NKAIN3: variants seen among roughly 807,000 people sequenced by gnomAD.
NKAIN3 encodes the protein sodium/potassium-transporting ATPase subunit beta-1-interacting protein 3.
A neutral mutation model predicts 30.2 loss-of-function variants in NKAIN3; 25 were observed. The ratio of observed to expected loss-of-function variants is 0.83; its 90% CI spans 0.60 to 1.16. The LOEUF (loss-of-function observed/expected upper bound fraction) is 1.16, where lower values mean the gene tolerates loss of function less well. Among genes scored for constraint, NKAIN3 ranks in the 50% most tolerant of loss-of-function variants. The pLI, the probability that NKAIN3 is intolerant of heterozygous loss-of-function variation, is 0.00. For synonymous variants in NKAIN3, 91 were observed against 89.6 expected (o/e 1.02, Z -0.09); for missense variants, 225 against 254.1 (o/e 0.89, Z 0.78).
At chr8:62,403,781 C>A (rs1485203665) in intron 1 of NKAIN3, among the ~76,000 whole-genome samples, 1 of 152,244 alleles carries the variant, frequency 6.6e-6, no homozygotes, top group Admixed American at 6.5e-5. Flanking sequence ...AGCCCCCACA[C>A]AAAGTCCTCA....
chr8:62,469,531 C>T (rs568367258), intron 1 of NKAIN3, among the ~76,000 whole-genome samples: 2 of 152,130 alleles, frequency 1.3e-5, no homozygotes, highest in African/African-American at 4.8e-5. Context: ...ACAGAGAAGA[C>T]CTGCCTTGTC....
At chr8:62,825,805 T>C (rs1465386167) in intron 4 of NKAIN3, among the ~76,000 whole-genome samples, 4 of 152,186 alleles carry the variant, frequency 2.6e-5, no homozygotes, top group African/African-American at 7.2e-5. Context: ...TTGGCTGCTC[T>C]GTGGTGCTGC....
intron 1 of NKAIN3, among the ~76,000 whole-genome samples, chr8:62,499,608 A>G (rs924604019): frequency 6.6e-6 from 1 of 152,184 alleles, no homozygotes; most frequent in Admixed American, 6.5e-5. Flanking sequence ...AGGAAACAGC[A>G]TCATATCTCC....
intron 1 of NKAIN3, among the ~76,000 whole-genome samples, chr8:62,414,897 C>A (rs1235945025): frequency 6.6e-6 from 1 of 151,398 alleles, no homozygotes; most frequent in African/African-American, 2.4e-5. Context: ...TTACCCAGCA[C>A]ACTTTCAAGT....
At chr8:62,815,204 G>C (rs757686644) in intron 4 of NKAIN3, among the ~76,000 whole-genome samples, 4 of 151,938 alleles carry the variant, frequency 2.6e-5, no homozygotes, top group Non-Finnish European at 2.9e-5. Flanking sequence ...CCAATAACAG[G>C]CTCTGAAATT....
At chr8:62,958,295 A>T (rs1823478301) in intron 6 of NKAIN3, among the ~76,000 whole-genome samples, 1 of 152,058 alleles carries the variant, frequency 6.6e-6, no homozygotes, top group Non-Finnish European at 1.5e-5. Context: ...AGCTATCGAG[A>T]TGCTTTCAGT....
intron 1 of NKAIN3, among the ~76,000 whole-genome samples, chr8:62,436,013 A>T (rs1346580000): frequency 6.6e-6 from 1 of 152,154 alleles, no homozygotes; most frequent in Non-Finnish European, 1.5e-5. Flanking sequence ...CAATGTTTTC[A>T]TATTCTGACT....
At chr8:62,363,230 G>C (rs896088163) in intron 1 of NKAIN3, among the ~76,000 whole-genome samples, 2 of 152,234 alleles carry the variant, frequency 1.3e-5, no homozygotes, top group East Asian at 1.9e-4. Flanking sequence ...GTTACCCTTC[G>C]TTTGCCTTTG....
chr8:62,760,526 A>T (rs2130615229), intron 4 of NKAIN3, among the ~76,000 whole-genome samples: 1 of 152,092 alleles, frequency 6.6e-6, no homozygotes, highest in Non-Finnish European at 1.5e-5. Context: ...TATCGCAAGG[A>T]CAAAAAACCA....
At chr8:62,750,454 C>T (rs1816239687) in intron 4 of NKAIN3, among the ~76,000 whole-genome samples, 1 of 152,146 alleles carries the variant, frequency 6.6e-6, no homozygotes, top group Non-Finnish European at 1.5e-5. Context: ...ATTAACTGGA[C>T]TCAGAAAGGC....
intron 1 of NKAIN3, among the ~76,000 whole-genome samples, chr8:62,282,400 A>G (rs1813234255): frequency 6.6e-6 from 1 of 152,068 alleles, no homozygotes. Context: ...GCTTGTAGGG[A>G]TACCCAAAAA....
intron 1 of NKAIN3, among the ~76,000 whole-genome samples, chr8:62,365,394 T>C (rs578114490): frequency 1.4e-4 from 21 of 152,142 alleles, no homozygotes; most frequent in Non-Finnish European, 2.2e-4. Flanking sequence ...TTTATTTAAA[T>C]ATTAGTACAT....
At chr8:62,816,992 T>C (rs896308941) in intron 4 of NKAIN3, among the ~76,000 whole-genome samples, 2 of 152,138 alleles carry the variant, frequency 1.3e-5, no homozygotes, top group African/African-American at 4.8e-5. Flanking sequence ...TCTGGGGATC[T>C]CCTGATTACC....
intron 3 of NKAIN3, among the ~76,000 whole-genome samples, chr8:62,642,361 A>T (rs557304675): frequency 6.6e-6 from 1 of 152,210 alleles, no homozygotes; most frequent in South Asian, 2.1e-4. Context: ...CAAAGACATA[A>T]TATCATTTTC....
At chr8:62,346,662 A>T (rs957241005) in intron 1 of NKAIN3, among the ~76,000 whole-genome samples, 12 of 152,076 alleles carry the variant, frequency 7.9e-5, no homozygotes, top group Admixed American at 4.6e-4. Context: ...CAAAGCCTTT[A>T]CTTTCAGACA....
intron 1 of NKAIN3, among the ~76,000 whole-genome samples, chr8:62,431,157 T>C (rs1041366416): frequency 7.9e-5 from 12 of 151,970 alleles, no homozygotes; most frequent in Non-Finnish European, 1.6e-4. Flanking sequence ...TTTTGTCACA[T>C]CCAAAGATAG....
In NKAIN3 at chr8:62,951,378, C is replaced by A. The variant is rs10106832; in HGVS notation, c.533-2524C>A. 9.3e-3 allele frequency among the ~76,000 whole-genome samples: 1,412 copies of A among 152,238 alleles called. 23 individuals carry two copies. Among genetic ancestry groups the A allele is most frequent in the African/African-American group, 0.033 (1,364 of 41,536 alleles). ...TTATCAAATGCTTTCAACAGAACAC[C>A]AATTAAATTATTTAAATAATTTTAA... On this transcript the variant is annotated intron_variant, in intron 5 of 6. Transcript: ENST00000623646.
intron 4 of NKAIN3, among the ~76,000 whole-genome samples, chr8:62,789,671 A>G (rs2130669678): frequency 6.6e-6 from 1 of 152,276 alleles, no homozygotes; most frequent in East Asian, 1.9e-4. Context: ...CCATCAGAGA[A>G]TACTACAAAC....
downstream of NKAIN3, among the ~76,000 whole-genome samples, chr8:62,989,586 A>G (rs1824275120): frequency 6.6e-6 from 1 of 152,142 alleles, no homozygotes; most frequent in African/African-American, 2.4e-5. Context: ...GGGAGCTACA[A>G]TCTAAGATGA....
Sources: gnomAD v4.1 joint callset for allele counts (sites outside exome capture counted in the v4.1 genomes callset) on GRCh38, gnomAD v4.1.1 for gene constraint, MANE v1.5 for transcripts, NCBI Gene and HGNC (gene_info 2026-07-23, HGNC 2026-07-21) for gene names.